The following CRYBG2 variants were observed in gnomAD, a reference collection of about 807,000 sequenced individuals.
CRYBG2 encodes the protein crystallin beta-gamma domain containing 2.
In CRYBG2, 106 loss-of-function variants were observed where a neutral mutation model predicts 153.4. The observed-to-expected ratio is 0.69, with a 90% CI of 0.59 to 0.81. CRYBG2 has a LOEUF of 0.81. Among genes scored for constraint, CRYBG2 ranks in the 30% least tolerant of loss-of-function variants. CRYBG2 has a pLI of 0.00. For synonymous variants in CRYBG2, 851 were observed against 877.8 expected (o/e 0.97, Z 0.54); for missense variants, 1,996 against 2,112.0 (o/e 0.95, Z 1.08).
chr1:26,352,108 A>T (rs1403538020), intron 1 of CRYBG2, among the ~76,000 whole-genome samples: 2 of 152,012 alleles, frequency 1.3e-5, no homozygotes, highest in African/African-American at 4.8e-5. Flanking sequence ...GATTCTCCCC[A>T]CTTACCTGTG....
At chr1:26,327,963 AAAAG>A (rs1165790243) in intron 17 of CRYBG2, among the ~76,000 whole-genome samples, 6 of 148,760 alleles carry the variant, frequency 4.0e-5, no homozygotes, top group Admixed American at 4.0e-4. Context: ...AAAAAAAAGA[AAAAG>A]AAAGAGAAAA....
Position 26,337,582 on chromosome 1 carries a change from G to GCTCTGGCTGTC in CRYBG2, c.3589_3599dup (p.Ser1200ArgfsTer14). On this transcript the variant is annotated frameshift_variant, in exon 9 of 20. Coordinates refer to ENST00000308182, the MANE Select transcript of CRYBG2 (RefSeq NM_001039775.4). LOFTEE classifies it high-confidence loss of function. The stretch of plus-strand genomic sequence containing the variant: ...GGGACCCCACAGAGGCCAGGTGGGG[G>GCTCTGGCTGTC]CTCTGGCTGTCCTCTGGCTGCTGAA... The GCTCTGGCTGTC allele has an allele frequency of 6.2e-7, 1 of 1,613,084 alleles. No individual in the cohort carries two copies. Among genetic ancestry groups the GCTCTGGCTGTC allele is most frequent in the Non-Finnish European group, 8.5e-7 (1 of 1,179,942 alleles).
intron 1 of CRYBG2, among the ~76,000 whole-genome samples, chr1:26,349,591 A>G (rs954790359): frequency 3.3e-5 from 5 of 152,102 alleles, no homozygotes; most frequent in Admixed American, 6.5e-5. Flanking sequence ...AACACCTGCC[A>G]AAGAAGACCT....
chr1:26,324,872 C>A (rs2073904712), intron 17 of CRYBG2: 1 of 152,190 alleles, frequency 6.6e-6, no homozygotes, highest in Non-Finnish European at 1.5e-5. Context: ...AGCTGGAGCT[C>A]TTAGATGGTA....
In CRYBG2 at chr1:26,336,810, C is replaced by T. The variant is rs1459586061; in HGVS notation, c.3911+31G>A. The T allele has an allele frequency of 5.7e-6, 9 of 1,566,830 alleles. No individual in the cohort carries two copies. The highest frequency in any genetic ancestry group is 1.4e-5 in the African/African-American group (1 of 73,466). On this transcript the variant is annotated intron_variant, in intron 11 of 19. Transcript: ENST00000308182. The surrounding 1 kb of genome is among the most constrained non-coding windows in gnomAD (Gnocchi z 4.9). ...GGAACCGCCCCCGGCTCGCCCGGGCCCGCCCCGCTCCCGGAGCCCGGGTCA... is the reference window on the plus strand; with the variant it reads ...GGAACCGCCCCCGGCTCGCCCGGGCTCGCCCCGCTCCCGGAGCCCGGGTCA...
At chr1:26,330,990 T>G (rs759499820) in intron 15 of CRYBG2, among the ~76,000 whole-genome samples, 16 of 152,192 alleles carry the variant, frequency 1.1e-4, no homozygotes, top group Non-Finnish European at 1.6e-4. Flanking sequence ...CATCCATCTC[T>G]TCCTAGGTGG....
chr1:26,322,059 G>T lies in CRYBG2; in HGVS notation c.4898-3C>A, dbSNP rs558621022. ...GTCCCGGTCGTAGCCCCGGCCTCCT[G>T]GGGGTGGGATGGGGATTAAAAGATA... On this transcript the variant is annotated splice_region_variant and splice_polypyrimidine_tract_variant and intron_variant, in intron 19 of 19. Transcript: ENST00000308182. 27 of 1,605,820 alleles carry T rather than the reference G, an allele frequency of 1.7e-5. No individual in the cohort carries two copies. In the African/African-American group the frequency reaches 2.8e-4, roughly 17 times the overall value.
chr1:26,343,717 T>A lies in CRYBG2; in HGVS notation c.2913+28A>T. The stretch of plus-strand genomic sequence containing the variant: ...CTTGACCCAGGTGAGGCCAGGCACC[T>A]CCCTTGCCCACCCGAGGCCTCACTT... On this transcript the variant is annotated intron_variant, in intron 2 of 19. Coordinates refer to ENST00000308182, the MANE Select transcript of CRYBG2 (RefSeq NM_001039775.4). This position sits in a 1 kb window ranked among gnomAD's most constrained non-coding sequence, Gnocchi z 4.1. The A allele has an allele frequency of 1.4e-6, 2 of 1,441,460 alleles. No homozygotes were observed. The highest frequency in any genetic ancestry group is 3.1e-5 in the South Asian group (2 of 64,294). 89.3% of individuals were successfully genotyped at this position (1,441,460 alleles called of 1,614,324 possible).
chr1:26,322,164 C>T lies in CRYBG2; in HGVS notation c.4897G>A (p.Gly1633Arg), dbSNP rs760238802. The change falls in exon 19 of 20, where the codon GGA (glycine) becomes AGA (arginine). Residue 1633 changes from glycine (G) to arginine (R), a missense_variant and splice_region_variant. Transcript: ENST00000308182. ...MFEGQILDVK[G>R]GRGYDRDHVV... is the part of the protein sequence containing the mutation. ...CTCTTCCCCATACATCCCACCTTAC[C>T]CTTCACGTCCAGGATCTGGCCTTCG... The T allele has an allele frequency of 6.2e-7, 1 of 1,613,218 alleles. No homozygotes were observed. Among genetic ancestry groups the T allele is most frequent in the Non-Finnish European group, 8.5e-7 (1 of 1,179,258 alleles).
intron 1 of CRYBG2, among the ~76,000 whole-genome samples, chr1:26,347,631 A>T (rs2074240308): frequency 6.6e-6 from 1 of 151,924 alleles, no homozygotes; most frequent in African/African-American, 2.4e-5. Context: ...CTGGGACTAC[A>T]GGTGCCCTCC....
At position 26,325,610 on chromosome 1, in the gene CRYBG2, T is replaced by TAC. The variant is rs56092779; in HGVS notation, c.4579-1302_4579-1301dup. Among the ~76,000 whole-genome samples, 46,580 of 148,772 alleles carry TAC rather than the reference T, an allele frequency of 0.31. 7,346 individuals carry two copies. Among genetic ancestry groups the TAC allele is most frequent in the African/African-American group, 0.36 (14,589 of 40,308 alleles). On this transcript the variant is annotated intron_variant, in intron 17 of 19. Coordinates refer to ENST00000308182, the MANE Select transcript of CRYBG2 (RefSeq NM_001039775.4). The surrounding 1 kb of genome is among the most constrained non-coding windows in gnomAD (Gnocchi z 4.1). Reference sequence around the variant, plus strand: ...AAAAAAATGAATGCACTCCCACAGATACACACACACACACACACACACACA... The same window carrying TAC: ...AAAAAAATGAATGCACTCCCACAGATACACACACACACACACACACACACACA...
At position 26,345,817 on chromosome 1, in the gene CRYBG2, C is replaced by T. The variant is rs750184020; in HGVS notation, c.841G>A (p.Gly281Arg). The change falls in exon 2 of 20, where the codon GGG becomes AGG. Residue 281 changes from glycine (G) to arginine (R), a missense_variant. Physicochemically the swap from Gly to Arg is moderately radical, Grantham distance 125. Transcript: ENST00000308182. ...GAGCTGTCTTTAAGCTCTGCTGTCC[C>T]GGTCTCAGGCAGCTGCCTCAAGGCT... ...GAALRQLPET[G>R]TAELKDSSAL... is the part of the protein sequence containing the mutation. 1.1e-5 allele frequency: 18 copies of T among 1,596,266 alleles called. No homozygotes were observed. In the East Asian group the frequency reaches 1.8e-4, roughly 16 times the overall value.
rs145354520 is a variant in CRYBG2 at position 26,328,248 on chromosome 1, G to A, written c.4539C>T (p.Ser1513=). 130 of 1,564,670 alleles carry A rather than the reference G, an allele frequency of 8.3e-5. 1 individual carries two copies. Among genetic ancestry groups the A allele is most frequent in the African/African-American group, 6.1e-4 (45 of 73,576 alleles). ...SCEITNWLTY[S]GTQRVGSLYP... is the part of the protein sequence containing the mutation. Reference sequence around the variant, plus strand: ...AGAGGGAGCCCACCCTCTGGGTGCCGCTGTAGGTCAGCCAGTTGGTGATCT... The same window carrying A: ...AGAGGGAGCCCACCCTCTGGGTGCCACTGTAGGTCAGCCAGTTGGTGATCT... The change falls in exon 17 of 20, where the codon AGC becomes AGT. Residue 1513 remains serine (S), a synonymous_variant. Coordinates refer to ENST00000308182, the MANE Select transcript of CRYBG2 (RefSeq NM_001039775.4).
chr1:26,336,689 C>A lies in CRYBG2; in HGVS notation c.3955G>T (p.Val1319Leu), dbSNP rs554034172. 11 of 1,568,418 alleles carry A rather than the reference C, an allele frequency of 7.0e-6. No individual in the cohort carries two copies. Among genetic ancestry groups the A allele is most frequent in the South Asian group, 4.7e-5 (4 of 85,646 alleles). ...TTACGATACACGCCCTTCTCCAGCA[C>A]GTACTGTTCCCCGGAGAAGCCCACC... The part of the protein sequence containing the change: ...QEVGFSGEQY[V>L]LEKGVYRNCE... The change falls in exon 12 of 20, where the codon GTG becomes TTG. Residue 1319 changes from valine (V) to leucine (L), a missense_variant. Coordinates refer to ENST00000308182, the MANE Select transcript of CRYBG2 (RefSeq NM_001039775.4). This position sits in a 1 kb window ranked among gnomAD's most constrained non-coding sequence, Gnocchi z 4.9.
Position 26,345,850 on chromosome 1 carries a change from C to T in CRYBG2, c.808G>A (p.Val270Met), listed in dbSNP as rs771276330. The T allele has an allele frequency of 6.3e-7, 1 of 1,596,866 alleles. No homozygotes were observed. Among genetic ancestry groups the T allele is most frequent in the Admixed American group, 1.7e-5 (1 of 59,798 alleles). Residue 270 changes from valine to methionine, a missense_variant, in exon 2 of 20, where the codon GTG (valine) becomes ATG (methionine). Coordinates refer to ENST00000308182, the MANE Select transcript of CRYBG2 (RefSeq NM_001039775.4). Reference protein sequence around the residue: ...GPRSTGLGSTVGAALRQLPET... With the variant: ...GPRSTGLGSTMGAALRQLPET... ...GGCAGCTGCCTCAAGGCTGCCCCCA[C>T]TGTGCTGCCCAGACCTGTGCTCCTT...
At chr1:26,352,911 T>C (rs1347411359) in intron 1 of CRYBG2, among the ~76,000 whole-genome samples, 1 of 151,744 alleles carries the variant, frequency 6.6e-6, no homozygotes, top group Non-Finnish European at 1.5e-5. Context: ...AGCAGTCACA[T>C]TGACCCCTGC....
chr1:26,348,147 C>T (rs1380983106), intron 1 of CRYBG2, among the ~76,000 whole-genome samples: 1 of 152,208 alleles, frequency 6.6e-6, no homozygotes, highest in African/African-American at 2.4e-5. Flanking sequence ...TCTGCTGTCA[C>T]CTTGGAGATT....
In CRYBG2 at chr1:26,343,885, G is replaced by C; in HGVS notation, c.2773C>G (p.Pro925Ala). ...AGAGCAGATAGTTTTGTGCCCAGCG[G>C]TTCCGGGGTGGAGGCCTCCTTGGCG... ...PTAKEASTPE[P>A]LGTKLSALLP... is the part of the protein sequence containing the mutation. The change falls in exon 2 of 20, where the codon CCG becomes GCG. Residue 925 changes from proline to alanine, a missense_variant. Pro to Ala is a conservative substitution (Grantham distance 27). Transcript: ENST00000308182. This position sits in a 1 kb window ranked among gnomAD's most constrained non-coding sequence, Gnocchi z 4.1. 3.9e-6 allele frequency: 6 copies of C among 1,522,736 alleles called. No homozygotes were observed. The highest frequency in any genetic ancestry group is 5.3e-6 in the Non-Finnish European group (6 of 1,132,598). 94.3% of individuals were successfully genotyped at this position (1,522,736 alleles called of 1,614,324 possible).
rs2073915674 is a variant in CRYBG2 at position 26,325,672 on chromosome 1, CAAAT to C, written c.4579-1366_4579-1363del. 6.6e-6 allele frequency among the ~76,000 whole-genome samples: 1 copy of C among 152,030 alleles called. No homozygotes were observed. Among genetic ancestry groups the C allele is most frequent in the East Asian group, 1.9e-4 (1 of 5,174 alleles). ...ACCAGAGCACACAGATGCATGGACACAAATAACCTGATGAGCACAGAAATACCCT... is the reference window on the plus strand; with the variant it reads ...ACCAGAGCACACAGATGCATGGACACAACCTGATGAGCACAGAAATACCCT... On this transcript the variant is annotated intron_variant, in intron 17 of 19. Coordinates refer to ENST00000308182, the MANE Select transcript of CRYBG2 (RefSeq NM_001039775.4). The surrounding 1 kb of genome is among the most constrained non-coding windows in gnomAD (Gnocchi z 4.1).
Sources: gnomAD v4.1 joint callset for allele counts (sites outside exome capture counted in the v4.1 genomes callset) on GRCh38, gnomAD v4.1.1 for gene constraint, Gnocchi (gnomAD v3.1) non-coding constraint, MANE v1.5 for transcripts, NCBI Gene and HGNC (gene_info 2026-07-23, HGNC 2026-07-21) for gene names.